Variants in ERC1 observed in about 807,000 individuals in gnomAD.
ERC1 encodes RAB6 interacting protein 2.
In ERC1, 56 loss-of-function variants were observed where a neutral mutation model predicts 132.0. The observed-to-expected ratio is 0.42, with a 90% CI of 0.34 to 0.53. The LOEUF (loss-of-function observed/expected upper bound fraction) is 0.53, where lower values mean the gene tolerates loss of function less well. ERC1 is among the 20% of genes least tolerant of loss of function. The pLI is 0.03. For synonymous variants in ERC1, 478 were observed against 476.1 expected, an observed-to-expected ratio of 1.00 and a Z score of -0.05; for missense variants, 1,202 against 1,349.9, an observed-to-expected ratio of 0.89 and a Z score of 1.72.
intron 1 of ERC1, among the ~76,000 whole-genome samples, chr12:999,234 C>G (rs925447419): frequency 2.0e-5 from 3 of 152,118 alleles, no homozygotes; most frequent in African/African-American, 7.2e-5. Flanking sequence ...TCATCGCTTT[C>G]TATTTCATTT....
intron 1 of ERC1, among the ~76,000 whole-genome samples, chr12:1,004,671 C>G (rs1592629061): frequency 6.6e-6 from 1 of 151,702 alleles, no homozygotes; most frequent in Admixed American, 6.6e-5. Context: ...CCCCAAAGTG[C>G]TGGGATTACA....
At chr12:1,141,576 CT>C (rs780573694) in intron 7 of ERC1, 43 bp from the exon 8 acceptor site, 93 of 1,509,826 alleles carry the variant, frequency 6.2e-5, no homozygotes, top group Non-Finnish European at 9.0e-6. Context: ...GAATTACATT[CT>C]TTTCTTTTTA....
Position 1,264,389 on chromosome 12 carries a change from G to A in ERC1, c.2619+1224G>A, listed in dbSNP as rs533606306. Among the ~76,000 whole-genome samples the A allele has an allele frequency of 1.2e-4, 18 of 152,192 alleles. No homozygotes were observed. The South Asian group carries it at 2.9e-3, about 25-fold the overall frequency. The stretch of plus-strand genomic sequence containing the variant: ...TTAAGATTTCAAACCTAGGCCGAGC[G>A]CGGTGGTTCACGCCTGTAATCCCAG... On this transcript the variant is annotated intron_variant, in intron 14 of 18. Coordinates refer to ENST00000360905, the MANE Select transcript of ERC1 (RefSeq NM_178040.4).
chr12:1,094,175 T>A (rs879541464), intron 3 of ERC1, among the ~76,000 whole-genome samples: 2 of 148,766 alleles, frequency 1.3e-5, no homozygotes, highest in African/African-American at 2.5e-5. Flanking sequence ...CCTGCCACCA[T>A]GCCTGGCTAA....
At chr12:1,386,676 T>TAAAAAAAAAAAAAAAAAA (rs2089413274) in intron 16 of ERC1, 1 of 97,742 alleles carries the variant, frequency 1.0e-5, no homozygotes, top group African/African-American at 5.6e-5. Flanking sequence ...CATTAAAAAG[T>TAAAAAAAAAAAAAAAAAA]ACACATGTCT....
At chr12:1,035,244 G>A (rs1201934338) in intron 2 of ERC1, among the ~76,000 whole-genome samples, 1 of 152,182 alleles carries the variant, frequency 6.6e-6, no homozygotes, top group Non-Finnish European at 1.5e-5. Context: ...AGGATTTACA[G>A]TAATTAAATG....
At chr12:1,129,694 T>C (rs1174299081) in intron 7 of ERC1, among the ~76,000 whole-genome samples, 1 of 152,226 alleles carries the variant, frequency 6.6e-6, no homozygotes, top group Non-Finnish European at 1.5e-5. Flanking sequence ...TGTACCAAGC[T>C]GAACTCTCAT....
chr12:1,207,265 A>G (rs1468812257), intron 12 of ERC1, among the ~76,000 whole-genome samples: 1 of 152,150 alleles, frequency 6.6e-6, no homozygotes, highest in Non-Finnish European at 1.5e-5. Flanking sequence ...ACTCACAAAA[A>G]TAGATGTAAT....
In ERC1 at chr12:1,464,512, T is replaced by G. The variant is rs1321991073; in HGVS notation, c.3213+19762T>G. 7.7e-4 allele frequency among the ~76,000 whole-genome samples: 9 copies of G among 11,674 alleles called. No homozygotes were observed. The Admixed American group carries it at 8.2e-3, about 11-fold the overall frequency. The allele number at this position is 11,674 out of a possible 152,430, so 7.7% of individuals were successfully genotyped here. A position where few individuals can be genotyped will look rare whatever the true frequency, so the allele number is the denominator to read the frequency against. On this transcript the variant is annotated intron_variant, in intron 18 of 18. Coordinates refer to ENST00000360905, the MANE Select transcript of ERC1 (RefSeq NM_178040.4). ...CTTTGCAGCAAAGAATGCAAAAGCC[T>G]TTTTTTTTTTTTTTTTTTTTTTTTT...
At chr12:1,207,455 C>T (rs560326495) in intron 12 of ERC1, among the ~76,000 whole-genome samples, 18 of 152,236 alleles carry the variant, frequency 1.2e-4, no homozygotes, top group African/African-American at 3.6e-4. Flanking sequence ...TCATTCCTTT[C>T]GCTTTTTTAA....
chr12:1,311,803 C>G (rs1023496068), intron 15 of ERC1, among the ~76,000 whole-genome samples: 4 of 152,136 alleles, frequency 2.6e-5, no homozygotes, highest in Non-Finnish European at 5.9e-5. Context: ...AGTAGCCATG[C>G]TTTGTCTTTT....
intron 11 of ERC1, among the ~76,000 whole-genome samples, chr12:1,188,779 A>G (rs953443879): frequency 2.0e-5 from 3 of 152,278 alleles, no homozygotes; most frequent in South Asian, 2.1e-4. Context: ...TTTCCTAAGA[A>G]TATATATTTT....
At chr12:1,287,335 A>G (rs1013141742) in intron 14 of ERC1, among the ~76,000 whole-genome samples, 5 of 152,196 alleles carry the variant, frequency 3.3e-5, no homozygotes, top group African/African-American at 1.2e-4. Context: ...ATAACGAACA[A>G]CCACAAAATA....
chr12:1,330,537 T>A (rs1417237883), intron 15 of ERC1, among the ~76,000 whole-genome samples: 1 of 152,104 alleles, frequency 6.6e-6, no homozygotes, highest in Non-Finnish European at 1.5e-5. Context: ...TTTATCATCT[T>A]CCCACAGGCT....
At chr12:1,028,866 C>CT (rs1565816119) in intron 2 of ERC1, among the ~76,000 whole-genome samples, 1 of 145,778 alleles carries the variant, frequency 6.9e-6, no homozygotes, top group Non-Finnish European at 1.5e-5. Context: ...TTTTTTTTTT[C>CT]CAATTCTTCT....
chr12:1,325,943 G>A (rs2082418478), intron 15 of ERC1, among the ~76,000 whole-genome samples: 1 of 152,068 alleles, frequency 6.6e-6, no homozygotes, highest in African/African-American at 2.4e-5. Flanking sequence ...TTGGATATTT[G>A]CTGAAGTCAG....
chr12:1,009,957 A>G (rs992139416), intron 1 of ERC1, among the ~76,000 whole-genome samples: 5 of 152,206 alleles, frequency 3.3e-5, no homozygotes, highest in African/African-American at 9.6e-5. Context: ...GCATGATGGT[A>G]TAACTCCTTT....
intron 4 of ERC1, 105 bp downstream of exon 4, chr12:1,104,929 C>A: frequency 1.5e-6 from 1 of 683,940 alleles, no homozygotes; most frequent in Non-Finnish European, 2.6e-6. Context: ...TAGTATTTCA[C>A]TTATTTGGAG....
chr12:1,378,658 G>A (rs1014776473), intron 16 of ERC1, among the ~76,000 whole-genome samples: 9 of 152,198 alleles, frequency 5.9e-5, no homozygotes, highest in Admixed American at 3.3e-4. Context: ...GTAATGGTCA[G>A]CCAGAGAGAC....
Sources: gnomAD v4.1 joint callset for allele counts (sites outside exome capture counted in the v4.1 genomes callset) on GRCh38, gnomAD v4.1.1 for gene constraint, MANE v1.5 for transcripts, NCBI Gene and HGNC (gene_info 2026-07-23, HGNC 2026-07-21) for gene names.